The following EPHA6 variants were observed in gnomAD, a reference collection of about 807,000 sequenced individuals.
EPHA6 encodes the protein EPH receptor A6.
Under a neutral mutation model 112.0 loss-of-function variants are expected in EPHA6, and 50 were observed. The observed-to-expected ratio is 0.45, with a 90% CI of 0.36 to 0.56. The LOEUF (loss-of-function observed/expected upper bound fraction) is 0.56, where lower values mean the gene tolerates loss of function less well. EPHA6 is among the 20% of genes least tolerant of loss of function. The pLI is 0.00. For synonymous variants in EPHA6, 529 were observed against 490.7 expected, an observed-to-expected ratio of 1.08 and a Z score of -1.03; for missense variants, 1,280 against 1,417.4, an observed-to-expected ratio of 0.90 and a Z score of 1.56.
At chr3:97,235,127 C>T (rs1393714237) in intron 4 of EPHA6, among the ~76,000 whole-genome samples, 1 of 152,068 alleles carries the variant, frequency 6.6e-6, no homozygotes, top group Non-Finnish European at 1.5e-5. Flanking sequence ...TTCGCAGTTA[C>T]TCCTTTTTAT....
At chr3:97,676,958 G>A (rs2031444450) in intron 14 of EPHA6, among the ~76,000 whole-genome samples, 1 of 152,272 alleles carries the variant, frequency 6.6e-6, no homozygotes, top group East Asian at 1.9e-4. Context: ...GGATTTTGCT[G>A]TACAATGTGG....
At chr3:97,171,812 G>T (rs1389883328) in intron 3 of EPHA6, among the ~76,000 whole-genome samples, 1 of 151,798 alleles carries the variant, frequency 6.6e-6, no homozygotes, top group African/African-American at 2.4e-5. Context: ...CAGAAAACAG[G>T]AATCACCAAG....
chr3:96,940,219 T>A (rs952868765), intron 2 of EPHA6, among the ~76,000 whole-genome samples: 9 of 152,212 alleles, frequency 5.9e-5, no homozygotes, highest in African/African-American at 1.9e-4. Context: ...TCTTCCATTA[T>A]TATTGTGTGG....
At chr3:97,411,080 T>G (rs892569671) in intron 6 of EPHA6, among the ~76,000 whole-genome samples, 1 of 151,830 alleles carries the variant, frequency 6.6e-6, no homozygotes, top group East Asian at 1.9e-4. Flanking sequence ...TTTGTTGCAG[T>G]GTCCACCACA....
intron 5 of EPHA6, among the ~76,000 whole-genome samples, chr3:97,304,647 G>T (rs1264152901): frequency 1.3e-5 from 2 of 151,980 alleles, no homozygotes; most frequent in African/African-American, 4.8e-5. Context: ...AATGGGAAAA[G>T]GATTCCCTAT....
chr3:97,494,883 C>T (rs1261990434), intron 10 of EPHA6, among the ~76,000 whole-genome samples: 2 of 152,160 alleles, frequency 1.3e-5, no homozygotes, highest in African/African-American at 4.8e-5. Context: ...TTGTCTAAAT[C>T]TTTTCAACCA....
intron 9 of EPHA6, chr3:97,481,037 G>T (rs535898187): frequency 5.6e-4 from 221 of 396,702 alleles, no homozygotes; most frequent in Non-Finnish European, 8.5e-4. Context: ...GATGATGGGC[G>T]GCCAGGCAGA....
chr3:97,283,149 C>T (rs1213622844), intron 5 of EPHA6, among the ~76,000 whole-genome samples: 1 of 152,106 alleles, frequency 6.6e-6, no homozygotes. Context: ...TTGCATTATT[C>T]TCTCTTATTG....
intron 4 of EPHA6, among the ~76,000 whole-genome samples, chr3:97,230,806 G>C (rs1232592964): frequency 6.6e-6 from 1 of 152,138 alleles, no homozygotes; most frequent in Non-Finnish European, 1.5e-5. Flanking sequence ...TGGCGGAGCA[G>C]TAATGGGGAG....
intron 11 of EPHA6, among the ~76,000 whole-genome samples, chr3:97,557,214 A>T (rs1483576619): frequency 6.6e-6 from 1 of 152,074 alleles, no homozygotes; most frequent in Admixed American, 6.6e-5. Context: ...GTAGCAATTT[A>T]GAATTCTTCT....
At chr3:97,542,915 A>G (rs925828151) in intron 11 of EPHA6, among the ~76,000 whole-genome samples, 4 of 152,180 alleles carry the variant, frequency 2.6e-5, no homozygotes, top group South Asian at 4.1e-4. Context: ...GTCTGTTCAT[A>G]TCCTTTGCCC....
intron 5 of EPHA6, among the ~76,000 whole-genome samples, chr3:97,328,743 T>G (rs2082611810): frequency 6.6e-6 from 1 of 152,090 alleles, no homozygotes; most frequent in Non-Finnish European, 1.5e-5. Context: ...TGGATGGTAC[T>G]CTGGTATCAA....
At position 96,842,484 on chromosome 3, in the gene EPHA6, G is replaced by A. The variant is rs564842404; in HGVS notation, c.386-24341G>A. Among the ~76,000 whole-genome samples, 3 of 152,022 alleles carry A rather than the reference G, an allele frequency of 2.0e-5. No individual in the cohort carries two copies. The East Asian group carries it at 5.8e-4, about 30-fold the overall frequency. ...AGAGGTTAGGTTCCTGCAAAGTATC[G>A]CTTCCCTCCGTAACCTCTAATTATT... On this transcript the variant is annotated intron_variant, in intron 1 of 17. Transcript: ENST00000389672.
chr3:97,461,213 T>A (rs1560033198), intron 7 of EPHA6, among the ~76,000 whole-genome samples: 1 of 152,202 alleles, frequency 6.6e-6, no homozygotes, highest in Non-Finnish European at 1.5e-5. Flanking sequence ...AGCAACTGAT[T>A]CATGCAATTC....
intron 3 of EPHA6, among the ~76,000 whole-genome samples, chr3:97,054,114 T>G (rs774803261): frequency 1.1e-4 from 16 of 150,852 alleles, no homozygotes; most frequent in Non-Finnish European, 2.2e-4. Context: ...AGCCAGCAAG[T>G]GCAAAAAGCA....
intron 5 of EPHA6, among the ~76,000 whole-genome samples, chr3:97,319,728 A>G (rs1448661860): frequency 3.0e-4 from 46 of 151,534 alleles, no homozygotes; most frequent in Non-Finnish European, 1.6e-4. Context: ...AAAACGAAAA[A>G]AACAGGAAAA....
intron 6 of EPHA6, among the ~76,000 whole-genome samples, chr3:97,412,516 C>G (rs1358106087): frequency 6.6e-6 from 1 of 151,924 alleles, no homozygotes; most frequent in Non-Finnish European, 1.5e-5. Context: ...TCTGAACTTC[C>G]ATGACTGCAG....
At chr3:97,182,772 A>G (rs946193073) in intron 3 of EPHA6, among the ~76,000 whole-genome samples, 2 of 152,140 alleles carry the variant, frequency 1.3e-5, no homozygotes, top group Admixed American at 6.6e-5. Flanking sequence ...ACATAGTTTC[A>G]TAAGAGAAAG....
chr3:97,738,794 G>C (rs1350847377), intron 16 of EPHA6, among the ~76,000 whole-genome samples: 2 of 152,064 alleles, frequency 1.3e-5, no homozygotes, highest in South Asian at 4.1e-4. Flanking sequence ...TTTTGTGACT[G>C]ATTTGCTATC....
Sources: gnomAD v4.1 joint callset for allele counts (sites outside exome capture counted in the v4.1 genomes callset) on GRCh38, gnomAD v4.1.1 for gene constraint, MANE v1.5 for transcripts, NCBI Gene and HGNC (gene_info 2026-07-23, HGNC 2026-07-21) for gene names.